PTPRC: variants seen among roughly 807,000 people sequenced by gnomAD.
PTPRC encodes protein tyrosine phosphatase receptor type C, also known as receptor-type tyrosine-protein phosphatase C.
PTPRC carries 44 observed loss-of-function variants against 155.9 expected under a neutral mutation model. That is an observed-to-expected ratio of 0.28 (90% CI 0.22 to 0.36). The LOEUF (loss-of-function observed/expected upper bound fraction) is 0.36, where lower values mean the gene tolerates loss of function less well. Ranked by LOEUF, PTPRC falls within the 10% of genes least tolerant of loss-of-function variation. The probability of loss-of-function intolerance (pLI) is 1.00; values close to 1 mark genes in which losing one functional copy is unlikely to be tolerated. For synonymous variants in PTPRC, 525 were observed against 533.1 expected, an observed-to-expected ratio of 0.98 and a Z score of 0.21; for missense variants, 1,401 against 1,564.6, an observed-to-expected ratio of 0.90 and a Z score of 1.76.
intron 2 of PTPRC, among the ~76,000 whole-genome samples, chr1:198,651,708 A>G (rs1165137415): frequency 6.6e-6 from 1 of 151,916 alleles, no homozygotes; most frequent in Non-Finnish European, 1.5e-5. Flanking sequence ...TGTCTTTAAC[A>G]TAAGCAAATT....
At chr1:198,641,046 T>C (rs1031971347) in intron 2 of PTPRC, among the ~76,000 whole-genome samples, 55 of 152,046 alleles carry the variant, frequency 3.6e-4, no homozygotes, top group African/African-American at 1.2e-3. Context: ...GAATGATTTA[T>C]ACCATAGCAA....
At chr1:198,647,072 G>A (rs1226655298) in intron 2 of PTPRC, among the ~76,000 whole-genome samples, 3 of 151,806 alleles carry the variant, frequency 2.0e-5, no homozygotes, top group Admixed American at 1.3e-4. Context: ...TGTTGGCCAT[G>A]CTGTTTTTCC....
intron 15 of PTPRC, among the ~76,000 whole-genome samples, chr1:198,727,290 T>C (rs548309186): frequency 1.4e-5 from 2 of 145,170 alleles, no homozygotes; most frequent in East Asian, 3.9e-4. Flanking sequence ...ACAGCCCTTA[T>C]ATCTTCTCAC....
At chr1:198,752,911 G>C in intron 31 of PTPRC, 139 bp downstream of exon 31, 1 of 851,744 alleles carries the variant, frequency 1.2e-6, no homozygotes, top group Non-Finnish European at 1.9e-6. Context: ...TCACTCTCTT[G>C]GTTGTTTCCA....
chr1:198,750,436 A>T (rs1053396037), intron 28 of PTPRC, 56 bp from the exon 29 acceptor site: 7 of 1,549,108 alleles, frequency 4.5e-6, no homozygotes, highest in Non-Finnish European at 6.2e-6. Flanking sequence ...TACTTTAAGA[A>T]TCTACTGAGC....
chr1:198,723,070 C>T (rs1051938162), intron 15 of PTPRC, among the ~76,000 whole-genome samples: 11 of 150,742 alleles, frequency 7.3e-5, no homozygotes, highest in South Asian at 2.1e-4. Flanking sequence ...CAGGCAACCA[C>T]TTTTAACCAT....
intron 2 of PTPRC, among the ~76,000 whole-genome samples, chr1:198,659,811 G>C (rs1405742825): frequency 6.6e-6 from 1 of 151,610 alleles, no homozygotes; most frequent in African/African-American, 2.4e-5. Context: ...CAAAGTATTG[G>C]GATTACAGGC....
chr1:198,668,948 AT>A (rs1162614518), intron 2 of PTPRC, among the ~76,000 whole-genome samples: 1 of 152,232 alleles, frequency 6.6e-6, no homozygotes, highest in East Asian at 1.9e-4. Context: ...AATTGAAGAT[AT>A]TTGAACACAT....
intron 9 of PTPRC, 37 bp downstream of exon 9, chr1:198,706,989 A>ATT: frequency 6.7e-7 from 1 of 1,502,370 alleles, no homozygotes; most frequent in Non-Finnish European, 9.2e-7. Flanking sequence ...AAATTTATAA[A>ATT]AACAGTACAC....
intron 8 of PTPRC, among the ~76,000 whole-genome samples, chr1:198,706,476 A>T (rs1229934068): frequency 6.6e-6 from 1 of 152,218 alleles, no homozygotes; most frequent in African/African-American, 2.4e-5. Context: ...CTTTGCTCTC[A>T]TGGAAGTTCC....
intron 23 of PTPRC, among the ~76,000 whole-genome samples, chr1:198,737,947 T>C (rs1558032217): frequency 6.6e-6 from 1 of 151,884 alleles, no homozygotes; most frequent in African/African-American, 2.4e-5. Flanking sequence ...TTTCTTGATT[T>C]CTTTTTCAGA....
At chr1:198,640,592 T>C (rs1271926744) in intron 2 of PTPRC, among the ~76,000 whole-genome samples, 1 of 151,916 alleles carries the variant, frequency 6.6e-6, no homozygotes. Flanking sequence ...CAAGTTACCA[T>C]CCCTTTAAAG....
chr1:198,639,306 G>A lies in PTPRC; in HGVS notation c.38G>A (p.Gly13Asp), dbSNP rs1426202766. 1 of 1,613,380 alleles carries A rather than the reference G, an allele frequency of 6.2e-7. No homozygotes were observed. The highest frequency in any genetic ancestry group is 1.1e-5 in the South Asian group (1 of 91,074). Residue 13 changes from glycine (G) to aspartate (D), a missense_variant, in exon 2 of 33, where the codon GGC becomes GAC. Coordinates refer to ENST00000442510, the MANE Select transcript of PTPRC (RefSeq NM_002838.5). ...MYLWLKLLAF[G>D]FAFLDTEVFV... ...TTGTGGCTTAAACTCTTGGCATTTG[G>A]CTTTGCCTTTCTGGACACAGAAGTA...
chr1:198,673,937 A>C (rs1264617801), intron 2 of PTPRC, among the ~76,000 whole-genome samples: 1 of 152,240 alleles, frequency 6.6e-6, no homozygotes, highest in Non-Finnish European at 1.5e-5. Flanking sequence ...GATTTTTGCC[A>C]TATGGATGAA....
chr1:198,742,323 G>A lies in PTPRC; in HGVS notation c.2653G>A (p.Val885Ile). Residue 885 changes from valine to isoleucine, a missense_variant, in exon 25 of 33, where the codon GTT (valine) becomes ATT (isoleucine). By Grantham distance (29) the Val-to-Ile change is conservative (BLOSUM62 3). This residue lies in a region of PTPRC where 134 missense variants were observed against 204.7 expected (regional missense o/e 0.65). Coordinates refer to ENST00000442510, the MANE Select transcript of PTPRC (RefSeq NM_002838.5). The stretch of plus-strand genomic sequence containing the variant: ...GAACAAAGTGGATGTTTATGGTTAT[G>A]TTGTCAAGCTAAGGCGACAGAGATG... ...AENKVDVYGY[V>I]VKLRRQRCLM... The A allele has an allele frequency of 1.2e-6, 2 of 1,612,332 alleles. No homozygotes were observed. The highest frequency in any genetic ancestry group is 8.5e-7 in the Non-Finnish European group (1 of 1,178,862).
At chr1:198,706,556 G>A (rs767739771) in intron 8 of PTPRC, among the ~76,000 whole-genome samples, 178 bp from the exon 9 acceptor site, 10 of 152,298 alleles carry the variant, frequency 6.6e-5, no homozygotes, top group South Asian at 6.2e-4. Flanking sequence ...TGAGGTCCTT[G>A]TTAGGGCAGT....
At chr1:198,724,953 C>A (rs1219871112) in intron 15 of PTPRC, among the ~76,000 whole-genome samples, 1 of 152,088 alleles carries the variant, frequency 6.6e-6, no homozygotes, top group Non-Finnish European at 1.5e-5. Flanking sequence ...AGGCAGGCAC[C>A]ACCACACCTG....
At chr1:198,738,018 C>G (rs149029236) in intron 23 of PTPRC, among the ~76,000 whole-genome samples, 1 of 151,864 alleles carries the variant, frequency 6.6e-6, no homozygotes, top group East Asian at 1.9e-4. Context: ...TATCTCATGA[C>G]CTTACTGAAT....
intron 2 of PTPRC, among the ~76,000 whole-genome samples, chr1:198,654,299 C>G (rs1341377781): frequency 6.6e-6 from 1 of 151,616 alleles, no homozygotes; most frequent in East Asian, 1.9e-4. Flanking sequence ...GATTAAAATT[C>G]TTTTTGAGTA....
Sources: allele counts gnomAD v4.1 joint callset (sites outside exome capture counted in the v4.1 genomes callset), GRCh38; gene constraint gnomAD v4.1.1; regional missense constraint gnomAD v4.1.1; transcripts MANE v1.5; gene names NCBI Gene and HGNC (gene_info 2026-07-23, HGNC 2026-07-21).